Variants in RSPO2 observed in about 807,000 individuals in gnomAD.
RSPO2 encodes R-spondin-2.
In RSPO2, 14 loss-of-function variants were observed where a neutral mutation model predicts 30.9. The observed-to-expected ratio is 0.45, with a 90% confidence interval of 0.30 to 0.71. The LOEUF (loss-of-function observed/expected upper bound fraction) is 0.71, where lower values mean the gene tolerates loss of function less well. Ranked by LOEUF, RSPO2 falls within the 30% of genes least tolerant of loss-of-function variation. RSPO2 has a pLI of 0.08. For missense variants in RSPO2, 264 were observed against 301.9 expected (o/e 0.87, Z 0.93); for synonymous variants, 107 against 96.4 (o/e 1.11, Z -0.64).
At chr8:107,978,340 T>C (rs1039370799) in intron 3 of RSPO2, among the ~76,000 whole-genome samples, 1 of 152,028 alleles carries the variant, frequency 6.6e-6, no homozygotes, top group African/African-American at 2.4e-5. Flanking sequence ...GGCAGGAGAA[T>C]TGATTGAACC....
At chr8:108,060,189 A>G (rs887991884) in intron 2 of RSPO2, among the ~76,000 whole-genome samples, 1 of 151,748 alleles carries the variant, frequency 6.6e-6, no homozygotes, top group Non-Finnish European at 1.5e-5. Context: ...ATGGAGAATG[A>G]CTTTGACTAG....
At chr8:108,060,019 T>TA (rs200227149) in intron 2 of RSPO2, among the ~76,000 whole-genome samples, 4,231 of 149,950 alleles carry the variant, frequency 0.028, 236 homozygotes, top group African/African-American at 0.095. Flanking sequence ...AAAATAAAAT[T>TA]AAAAAAAAAG....
At chr8:107,901,732 C>A (rs1811475710) in intron 5 of RSPO2, among the ~76,000 whole-genome samples, 1 of 152,166 alleles carries the variant, frequency 6.6e-6, no homozygotes, top group African/African-American at 2.4e-5. Flanking sequence ...TATAAAAATT[C>A]ATGGAGACAT....
chr8:107,996,995 C>T (rs1326028624), intron 2 of RSPO2: 2 of 432,348 alleles, frequency 4.6e-6, no homozygotes, highest in African/African-American at 4.1e-5. Context: ...CACACCTAAC[C>T]TGAGTACTCT....
intron 5 of RSPO2, among the ~76,000 whole-genome samples, chr8:107,937,825 C>T (rs923558659): frequency 1.3e-5 from 2 of 152,064 alleles, no homozygotes; most frequent in Non-Finnish European, 2.9e-5. Flanking sequence ...TTTTTAGTAA[C>T]TGGATGCTTC....
At chr8:107,919,456 T>G (rs1297071736) in intron 5 of RSPO2, among the ~76,000 whole-genome samples, 1 of 152,180 alleles carries the variant, frequency 6.6e-6, no homozygotes, top group Non-Finnish European at 1.5e-5. Flanking sequence ...AGACTGCCTT[T>G]GTAAGACCAA....
intron 3 of RSPO2, among the ~76,000 whole-genome samples, chr8:107,982,662 T>C (rs1339554016): frequency 6.6e-6 from 1 of 152,130 alleles, no homozygotes; most frequent in Non-Finnish European, 1.5e-5. Context: ...TATGACTCCA[T>C]GTACTCCCCA....
At chr8:107,909,555 C>T (rs1274379405) in intron 5 of RSPO2, among the ~76,000 whole-genome samples, 1 of 152,096 alleles carries the variant, frequency 6.6e-6, no homozygotes, top group East Asian at 1.9e-4. Context: ...GCCACTTTCC[C>T]AGCTTTAAAG....
chr8:107,983,514 C>T, intron 3 of RSPO2: 1 of 1,600,642 alleles, frequency 6.2e-7, no homozygotes, highest in Non-Finnish European at 8.6e-7. Context: ...TTCAGGGGAT[C>T]TTTGACAGGG....
At chr8:107,990,655 T>C (rs369261257) in intron 2 of RSPO2, among the ~76,000 whole-genome samples, 1 of 152,298 alleles carries the variant, frequency 6.6e-6, no homozygotes, top group African/African-American at 2.4e-5. Context: ...TTCAATGCTA[T>C]TTCCATTAAA....
chr8:108,072,350 G>C (rs1812874544), intron 2 of RSPO2, among the ~76,000 whole-genome samples: 1 of 110,658 alleles, frequency 9.0e-6, no homozygotes, highest in Non-Finnish European at 1.7e-5. Context: ...TTTTGAGACA[G>C]AGTCTCGCTC....
At chr8:108,036,088 A>G (rs1811587177) in intron 2 of RSPO2, among the ~76,000 whole-genome samples, 1 of 152,196 alleles carries the variant, frequency 6.6e-6, no homozygotes, top group Non-Finnish European at 1.5e-5. Context: ...AGAATTAGCA[A>G]TGGGCATTTC....
intron 5 of RSPO2, among the ~76,000 whole-genome samples, chr8:107,954,372 C>T (rs749844342): frequency 3.9e-5 from 6 of 152,124 alleles, no homozygotes; most frequent in Non-Finnish European, 8.8e-5. Flanking sequence ...CAACATGGCC[C>T]AGACTTGAAA....
In RSPO2 at chr8:107,937,577, TTTTA is replaced by T. The variant is rs1204976782; in HGVS notation, c.616+20499_616+20502del. Among the ~76,000 whole-genome samples the T allele has an allele frequency of 1.1e-4, 17 of 151,064 alleles. No homozygotes were observed. In the East Asian group the frequency reaches 2.7e-3, roughly 24 times the overall value. ...TACACTGCTTTGCTGCCCTTGCTCT[TTTTA>T]TTTCTTTGCTATTATACCTTCCATC... On this transcript the variant is annotated intron_variant, in intron 5 of 5. Transcript: ENST00000276659.
chr8:107,938,996 A>G (rs960093011), intron 5 of RSPO2, among the ~76,000 whole-genome samples: 1 of 152,190 alleles, frequency 6.6e-6, no homozygotes, highest in Non-Finnish European at 1.5e-5. Context: ...GAATCAGCAC[A>G]AAATACATTT....
chr8:108,016,453 T>C (rs1421758841), intron 2 of RSPO2, among the ~76,000 whole-genome samples: 1 of 152,024 alleles, frequency 6.6e-6, no homozygotes, highest in East Asian at 1.9e-4. Flanking sequence ...AAGGATAAAA[T>C]AAGATAGCTA....
chr8:107,929,137 C>A (rs1282472497), intron 5 of RSPO2, among the ~76,000 whole-genome samples: 1 of 152,192 alleles, frequency 6.6e-6, no homozygotes, highest in Non-Finnish European at 1.5e-5. Flanking sequence ...CTCTTCCTAC[C>A]TCTGATGGAT....
chr8:107,940,474 C>T (rs1374291285), intron 5 of RSPO2, among the ~76,000 whole-genome samples: 1 of 152,096 alleles, frequency 6.6e-6, no homozygotes, highest in Non-Finnish European at 1.5e-5. Context: ...AGTAAAGCTA[C>T]CCTAGATTCT....
intron 2 of RSPO2, among the ~76,000 whole-genome samples, chr8:108,068,129 C>G (rs1157291875): frequency 1.3e-5 from 2 of 151,596 alleles, no homozygotes; most frequent in Non-Finnish European, 2.9e-5. Context: ...TAGAGATGAA[C>G]AGCAAGAAGC....
Sources: gnomAD v4.1 joint callset for allele counts (sites outside exome capture counted in the v4.1 genomes callset) on GRCh38, gnomAD v4.1.1 for gene constraint, MANE v1.5 for transcripts, NCBI Gene and HGNC (gene_info 2026-07-23, HGNC 2026-07-21) for gene names.